The following CA8 variants were observed in gnomAD, a reference collection of about 807,000 sequenced individuals.
CA8 encodes the protein carbonic anhydrase 8 (inactive), also known as carbonic anhydrase-related protein.
In CA8, 22 loss-of-function variants were observed where a neutral mutation model predicts 41.4. The observed-to-expected ratio is 0.53, with a 90% confidence interval of 0.38 to 0.76. The LOEUF (loss-of-function observed/expected upper bound fraction) is 0.76, where lower values mean the gene tolerates loss of function less well. CA8 is among the 30% of genes least tolerant of loss of function. The pLI, the probability that CA8 is intolerant of heterozygous loss-of-function variation, is 0.00. For missense variants in CA8, 270 were observed against 352.8 expected, an observed-to-expected ratio of 0.77 and a Z score of 1.88; for synonymous variants, 121 against 130.6, an observed-to-expected ratio of 0.93 and a Z score of 0.50.
At chr8:60,216,114 C>T (rs540884375) in intron 7 of CA8, among the ~76,000 whole-genome samples, 23 of 152,330 alleles carry the variant, frequency 1.5e-4, no homozygotes, top group African/African-American at 5.3e-4. Context: ...TCCTCCCCTT[C>T]TCAATTCTTG....
rs79624438 is a variant in CA8, at chr8:60,220,711, G to A, written c.738+1938C>T. ...GCTATGGCGCCAGGAATTCTAGCTC[G>A]TCTGATCACTGAATCTGTTTTTTAG... is the stretch of plus-strand genomic sequence containing the variant. On this transcript the variant is annotated intron_variant, in intron 7 of 8. Transcript: ENST00000317995. Among the ~76,000 whole-genome samples, 1,417 of 152,170 alleles carry A rather than the reference G, an allele frequency of 9.3e-3. 20 individuals carry two copies. Among genetic ancestry groups the A allele is most frequent in the African/African-American group, 0.03 (1,257 of 41,506 alleles).
At chr8:60,218,330 T>C (rs1341768878) in intron 7 of CA8, among the ~76,000 whole-genome samples, 1 of 152,058 alleles carries the variant, frequency 6.6e-6, no homozygotes, top group Non-Finnish European at 1.5e-5. Context: ...TGTACACCTA[T>C]GTATCAGCTG....
chr8:60,227,568 A>G (rs1404948829), intron 4 of CA8, among the ~76,000 whole-genome samples: 1 of 152,202 alleles, frequency 6.6e-6, no homozygotes. Flanking sequence ...TTTTTGAATT[A>G]AAACTACTCA....
At chr8:60,261,973 G>A (rs1328671375) in intron 3 of CA8, among the ~76,000 whole-genome samples, 2 of 152,154 alleles carry the variant, frequency 1.3e-5, no homozygotes, top group African/African-American at 4.8e-5. Flanking sequence ...GCCTCCCAAA[G>A]TGCTGGGATT....
chr8:60,263,953 T>TA (rs1803818311), intron 3 of CA8, among the ~76,000 whole-genome samples: 1 of 152,188 alleles, frequency 6.6e-6, no homozygotes, highest in African/African-American at 2.4e-5. Context: ...TAATCTGGGA[T>TA]AAAAAAGAAT....
At position 60,198,280 on chromosome 8, in the gene CA8, T is replaced by TA. The variant is rs1276013548; in HGVS notation, c.*36-8296dup. 2.0e-5 allele frequency among the ~76,000 whole-genome samples: 3 copies of TA among 152,254 alleles called. No homozygotes were observed. The East Asian group carries it at 5.8e-4, about 29-fold the overall frequency. The stretch of plus-strand genomic sequence containing the variant: ...AAAAATACCGGTCTCATAGGATTGT[T>TA]ACGAGGACTAAATGAGACAAAATAC... On this transcript the variant is annotated intron_variant, in intron 8 of 8. Transcript: ENST00000317995.
chr8:60,281,230 G>T lies in CA8; in HGVS notation c.-83C>A. On this transcript the variant is annotated 5_prime_UTR_variant, in exon 1 of 9. Transcript: ENST00000317995. ...CGCGGGGCTGGAGCCGGAGCGGAGC[G>T]CGCGTGGGGGAGTGTGAGCACGCGT... The T allele has an allele frequency of 1.0e-6, 1 of 968,166 alleles. No individual in the cohort carries two copies. The highest frequency in any genetic ancestry group is 1.6e-6 in the Non-Finnish European group (1 of 630,210). The allele number at this position is 968,166 out of a possible 1,614,324, so 60.0% of individuals were successfully genotyped here.
chr8:60,204,965 A>G (rs936798506), intron 8 of CA8, among the ~76,000 whole-genome samples: 5 of 152,176 alleles, frequency 3.3e-5, no homozygotes, highest in African/African-American at 1.2e-4. Context: ...ATCAAAGAAG[A>G]CTGATATGAA....
intron 3 of CA8, among the ~76,000 whole-genome samples, chr8:60,236,298 A>G (rs1412945786): frequency 6.6e-6 from 1 of 152,194 alleles, no homozygotes; most frequent in African/African-American, 2.4e-5. Context: ...CTCAAGCTGC[A>G]ACATCAACTC....
intron 3 of CA8, among the ~76,000 whole-genome samples, chr8:60,236,934 A>C (rs1313801944): frequency 6.6e-6 from 1 of 152,228 alleles, no homozygotes; most frequent in Non-Finnish European, 1.5e-5. Context: ...CCTGCAGTAC[A>C]TCTTATGAAC....
chr8:60,242,650 C>A (rs111914702), intron 3 of CA8, among the ~76,000 whole-genome samples: 5 of 152,362 alleles, frequency 3.3e-5, no homozygotes, highest in African/African-American at 1.2e-4. Context: ...ACTCTCACTC[C>A]AGCTCCTGGG....
At chr8:60,260,787 T>A (rs1803706714) in intron 3 of CA8, among the ~76,000 whole-genome samples, 1 of 152,176 alleles carries the variant, frequency 6.6e-6, no homozygotes, top group Admixed American at 6.5e-5. Context: ...CAAACTAAAG[T>A]CATCCCATTA....
intron 3 of CA8, among the ~76,000 whole-genome samples, chr8:60,259,505 T>C (rs1803660389): frequency 6.6e-6 from 1 of 152,144 alleles, no homozygotes; most frequent in South Asian, 2.1e-4. Context: ...AAATCAAAGG[T>C]AGCTTCAAAG....
At position 60,208,913 on chromosome 8, in the gene CA8, C is replaced by G; in HGVS notation, c.745G>C (p.Glu249Gln). Residue 249 changes from glutamate (E) to glutamine (Q), a missense_variant, in exon 8 of 9, where the codon GAA becomes CAA. By Grantham distance (29) the Glu-to-Gln change is conservative. Transcript: ENST00000317995. ...PLTISQLQIE[E>Q]FRRLRTHVKG... ...ACATGTGTCCTCAGCCTTCGAAATTCTTCTATCTGAAAATAAAAGCAGAAG... is the reference window on the plus strand; with the variant it reads ...ACATGTGTCCTCAGCCTTCGAAATTGTTCTATCTGAAAATAAAAGCAGAAG... The G allele has an allele frequency of 6.2e-7, 1 of 1,614,040 alleles. No homozygotes were observed. Among genetic ancestry groups the G allele is most frequent in the Non-Finnish European group, 8.5e-7 (1 of 1,179,962 alleles).
At chr8:60,190,863 T>C (rs1379629314) in intron 8 of CA8, among the ~76,000 whole-genome samples, 1 of 150,260 alleles carries the variant, frequency 6.7e-6, no homozygotes, top group African/African-American at 2.4e-5. Context: ...TAATAAATTA[T>C]ATTACTATGC....
chr8:60,219,000 T>C (rs191888832), intron 7 of CA8, among the ~76,000 whole-genome samples: 122 of 151,692 alleles, frequency 8.0e-4, no homozygotes, highest in Admixed American at 1.6e-3. Flanking sequence ...AAAGAGTGCA[T>C]TGCACGGGGT....
In CA8 at chr8:60,262,195, G is replaced by T. The variant is rs78794615; in HGVS notation, c.417+3730C>A. On this transcript the variant is annotated intron_variant, in intron 3 of 8. Transcript: ENST00000317995. Reference sequence around the variant, plus strand: ...GCAGTGTCCACAAATGACACACATAGAATATACAGCCTGAATGCAGAATGT... The same window carrying T: ...GCAGTGTCCACAAATGACACACATATAATATACAGCCTGAATGCAGAATGT... Among the ~76,000 whole-genome samples the T allele has an allele frequency of 1.3e-4, 20 of 152,226 alleles. No homozygotes were observed. In the East Asian group the frequency reaches 3.9e-3, roughly 29 times the overall value.
chr8:60,261,682 C>T (rs1803738566), intron 3 of CA8, among the ~76,000 whole-genome samples: 1 of 152,196 alleles, frequency 6.6e-6, no homozygotes, highest in Admixed American at 6.5e-5. Flanking sequence ...ATGATGAAGA[C>T]AGCAGAGAGT....
At chr8:60,259,189 A>G (rs1041723574) in intron 3 of CA8, among the ~76,000 whole-genome samples, 4 of 152,246 alleles carry the variant, frequency 2.6e-5, no homozygotes, top group Admixed American at 1.3e-4. Flanking sequence ...GTTATGGACT[A>G]TATATTCAAA....
Sources: allele counts gnomAD v4.1 joint callset (sites outside exome capture counted in the v4.1 genomes callset), GRCh38; gene constraint gnomAD v4.1.1; transcripts MANE v1.5; gene names NCBI Gene and HGNC (gene_info 2026-07-23, HGNC 2026-07-21).